ROBO2: variants seen among roughly 807,000 people sequenced by gnomAD.
ROBO2 encodes the protein roundabout guidance receptor 2.
In ROBO2, 53 loss-of-function variants were observed where a neutral mutation model predicts 160.8. The ratio of observed to expected loss-of-function variants is 0.33; its 90% confidence interval spans 0.26 to 0.41. The LOEUF (loss-of-function observed/expected upper bound fraction) is 0.41, where lower values mean the gene tolerates loss of function less well. ROBO2 is among the 10% of genes least tolerant of loss of function. ROBO2 has a pLI of 1.00. For synonymous variants in ROBO2, 664 were observed against 611.7 expected (o/e 1.09, Z -1.26); for missense variants, 1,577 against 1,722.4 (o/e 0.92, Z 1.49).
intron 2 of ROBO2, among the ~76,000 whole-genome samples, chr3:76,779,272 C>T (rs375309157): frequency 2.0e-5 from 3 of 150,962 alleles, no homozygotes; most frequent in Non-Finnish European, 4.5e-5. Context: ...CTATCAATAT[C>T]GTCAACGCCA....
chr3:76,526,894 C>T (rs1031050667), intron 2 of ROBO2, among the ~76,000 whole-genome samples: 6 of 152,008 alleles, frequency 3.9e-5, no homozygotes, highest in African/African-American at 1.4e-4. Flanking sequence ...GCCTTGCAAT[C>T]AGTGATTTTG....
At chr3:76,199,850 T>A (rs1702437222) in intron 2 of ROBO2, among the ~76,000 whole-genome samples, 1 of 152,142 alleles carries the variant, frequency 6.6e-6, no homozygotes, top group African/African-American at 2.4e-5. Context: ...CAGTTAAACC[T>A]TCCATTTTTT....
chr3:77,274,093 T>C (rs1310115635), intron 2 of ROBO2, among the ~76,000 whole-genome samples: 1 of 152,134 alleles, frequency 6.6e-6, no homozygotes, highest in Non-Finnish European at 1.5e-5. Context: ...ACTTTACCTG[T>C]AGTTACTAGG....
intron 2 of ROBO2, among the ~76,000 whole-genome samples, chr3:76,040,158 T>A (rs1020440807): frequency 3.4e-5 from 5 of 148,518 alleles, no homozygotes; most frequent in Non-Finnish European, 4.6e-5. Context: ...AAATGGGAAA[T>A]TTTAGCAATT....
At chr3:77,408,321 A>C (rs2153518672) in intron 2 of ROBO2, among the ~76,000 whole-genome samples, 1 of 152,288 alleles carries the variant, frequency 6.6e-6, no homozygotes, top group South Asian at 2.1e-4. Context: ...TTTCAATGAA[A>C]GTAAAGAATA....
At chr3:77,458,346 A>G (rs1243147203) in intron 2 of ROBO2, among the ~76,000 whole-genome samples, 1 of 152,224 alleles carries the variant, frequency 6.6e-6, no homozygotes, top group Non-Finnish European at 1.5e-5. Context: ...CCAAGATGGT[A>G]ACATACAGTT....
intron 2 of ROBO2, among the ~76,000 whole-genome samples, chr3:77,475,819 A>G (rs1363204817): frequency 6.6e-6 from 1 of 152,218 alleles, no homozygotes; most frequent in Non-Finnish European, 1.5e-5. Flanking sequence ...TTAAATGCAC[A>G]CTTTCCTCAG....
chr3:77,541,628 TGTAA>T (rs1410223031), intron 6 of ROBO2, among the ~76,000 whole-genome samples: 1 of 152,220 alleles, frequency 6.6e-6, no homozygotes, highest in East Asian at 1.9e-4. Flanking sequence ...TTTTTCAGCT[TGTAA>T]GTGTTGATTA....
intron 2 of ROBO2, among the ~76,000 whole-genome samples, chr3:76,734,147 G>T (rs3849509): frequency 0.65 from 98,954 of 151,902 alleles, 32,384 homozygotes; most frequent in African/African-American, 0.71. Context: ...GGGGGCGGGG[G>T]ACAAAAACGT....
chr3:76,883,561 C>G (rs182468014), intron 2 of ROBO2, among the ~76,000 whole-genome samples: 2 of 152,238 alleles, frequency 1.3e-5, no homozygotes, highest in Admixed American at 1.3e-4. Context: ...ATGATGGAAA[C>G]CATTTATCTC....
chr3:76,051,261 T>C (rs113069832), intron 2 of ROBO2, among the ~76,000 whole-genome samples: 1,213 of 69,752 alleles, frequency 0.017, 16 homozygotes, highest in African/African-American at 0.11. Context: ...TGAAGTACTT[T>C]GATATGTCAC....
intron 2 of ROBO2, among the ~76,000 whole-genome samples, chr3:76,101,167 G>A (rs891797342): frequency 4.6e-5 from 7 of 152,136 alleles, no homozygotes; most frequent in Admixed American, 3.3e-4. Context: ...TTGGGCTACC[G>A]TGGAGGAAAG....
At chr3:76,910,536 G>A (rs926371743) in intron 2 of ROBO2, among the ~76,000 whole-genome samples, 2 of 151,664 alleles carry the variant, frequency 1.3e-5, no homozygotes, top group Non-Finnish European at 2.9e-5. Flanking sequence ...GACCATCCTG[G>A]CCAGCATGGT....
chr3:76,384,026 C>A (rs2076763503), intron 2 of ROBO2, among the ~76,000 whole-genome samples: 1 of 152,164 alleles, frequency 6.6e-6, no homozygotes, highest in South Asian at 2.1e-4. Context: ...AGAAGAGCGT[C>A]CCTGATAAGG....
chr3:76,748,743 G>A lies in ROBO2; in HGVS notation c.110-349271G>A, dbSNP rs184705698. Among the ~76,000 whole-genome samples, 466 of 151,882 alleles carry A rather than the reference G, an allele frequency of 3.1e-3. 2 individuals carry two copies. Among genetic ancestry groups the A allele is most frequent in the African/African-American group, 0.01 (434 of 41,492 alleles). Reference sequence around the variant, plus strand: ...AATCATGCTGGTAGGGTCATAAACTGTTACATTTTAAAGGACAATTTAAAA... The same window carrying A: ...AATCATGCTGGTAGGGTCATAAACTATTACATTTTAAAGGACAATTTAAAA... On this transcript the variant is annotated intron_variant, in intron 2 of 26. Transcript: ENST00000487694.
At chr3:76,886,714 C>G (rs1276733882) in intron 2 of ROBO2, among the ~76,000 whole-genome samples, 2 of 151,862 alleles carry the variant, frequency 1.3e-5, no homozygotes, top group African/African-American at 4.8e-5. Context: ...CAGGAGAGCA[C>G]AGTTGCATTC....
intron 16 of ROBO2, among the ~76,000 whole-genome samples, chr3:77,583,863 T>C (rs1472983582): frequency 6.6e-6 from 1 of 152,156 alleles, no homozygotes; most frequent in Non-Finnish European, 1.5e-5. Flanking sequence ...AGTTTTTACA[T>C]TGGTTAGTAT....
intron 2 of ROBO2, among the ~76,000 whole-genome samples, chr3:76,139,978 T>A (rs2071570030): frequency 6.6e-6 from 1 of 152,082 alleles, no homozygotes; most frequent in Admixed American, 6.6e-5. Context: ...CATATACCTG[T>A]CTTATCAAAC....
chr3:76,322,907 C>T (rs139954293), intron 2 of ROBO2, among the ~76,000 whole-genome samples: 6,069 of 152,094 alleles, frequency 0.04, 345 homozygotes, highest in African/African-American at 0.12. Context: ...TTTGAAATAT[C>T]GCCAAGAAAT....
Sources: allele counts gnomAD v4.1 joint callset (sites outside exome capture counted in the v4.1 genomes callset), GRCh38; gene constraint gnomAD v4.1.1; transcripts MANE v1.5; gene names NCBI Gene and HGNC (gene_info 2026-07-23, HGNC 2026-07-21).